The following DCLK2 variants were observed in gnomAD, a reference collection of about 807,000 sequenced individuals.
The protein encoded by DCLK2 is serine/threonine-protein kinase DCLK2.
In DCLK2, 31 loss-of-function variants were observed where a neutral mutation model predicts 78.4. That is an observed-to-expected ratio of 0.40 (90% CI 0.30 to 0.53). The LOEUF is 0.53. Ranked by LOEUF, DCLK2 falls within the 20% of genes least tolerant of loss-of-function variation. The pLI is 0.61. For missense variants in DCLK2, 872 were observed against 973.7 expected (o/e 0.90, Z 1.39); for synonymous variants, 407 against 374.9 (o/e 1.09, Z -0.99).
At chr4:150,080,943 A>G (rs1027855926) in intron 1 of DCLK2, among the ~76,000 whole-genome samples, 6 of 152,190 alleles carry the variant, frequency 3.9e-5, no homozygotes, top group Admixed American at 1.3e-4. Context: ...GGATAGCTGG[A>G]GGAGTATAAG....
intron 2 of DCLK2, among the ~76,000 whole-genome samples, chr4:150,164,798 CA>C (rs145151064): frequency 0.19 from 29,012 of 149,118 alleles, 2,963 homozygotes; most frequent in Non-Finnish European, 0.23. Flanking sequence ...GACACTGTCT[CA>C]AAAAAAAAAT....
At chr4:150,097,480 A>G (rs1352710277) in intron 1 of DCLK2, among the ~76,000 whole-genome samples, 2 of 152,158 alleles carry the variant, frequency 1.3e-5, no homozygotes, top group Non-Finnish European at 2.9e-5. Context: ...CCTAGCTTTT[A>G]ATGACCTCTT....
At chr4:150,230,249 C>T (rs181739178) in intron 8 of DCLK2, among the ~76,000 whole-genome samples, 7 of 152,300 alleles carry the variant, frequency 4.6e-5, no homozygotes, top group Admixed American at 4.6e-4. Context: ...CAATGTATCC[C>T]AGAAGACCTT....
intron 10 of DCLK2, among the ~76,000 whole-genome samples, chr4:150,237,715 G>GCTAA (rs1012846616): frequency 6.6e-6 from 1 of 152,046 alleles, no homozygotes; most frequent in African/African-American, 2.4e-5. Context: ...GGATGATGTT[G>GCTAA]CTAACATGCT....
chr4:150,096,807 G>C (rs537651765), intron 1 of DCLK2, among the ~76,000 whole-genome samples: 9 of 152,344 alleles, frequency 5.9e-5, no homozygotes, highest in Admixed American at 2.6e-4. Context: ...TGATGCTCCA[G>C]TGGCTTAAAA....
chr4:150,184,595 CTTCTTCT>C (rs1340801190), intron 2 of DCLK2, among the ~76,000 whole-genome samples: 1 of 33,336 alleles, frequency 3.0e-5, no homozygotes, highest in African/African-American at 1.0e-4. Context: ...TCTTCTTCTT[CTTCTTCT>C]TTTTTTTTTT....
In DCLK2 at chr4:150,175,011, A is replaced by AAATATATAT. The variant is rs1454035697; in HGVS notation, c.757-18126_757-18125insATATATATA. ...AGACTCCGTCGCAAAAAAAAAAAAAAATATATATATATATATATATATTTA... is the reference window on the plus strand; with the variant it reads ...AGACTCCGTCGCAAAAAAAAAAAAAAAATATATATATATATATATATATATATATATTTA... On this transcript the variant is annotated intron_variant, in intron 2 of 15. Coordinates refer to ENST00000296550, the MANE Select transcript of DCLK2 (RefSeq NM_001040260.4). Among the ~76,000 whole-genome samples the AAATATATAT allele has an allele frequency of 1.4e-3, 14 of 9,974 alleles. 5 individuals are homozygous for AAATATATAT. The highest frequency in any genetic ancestry group is 3.4e-3 in the African/African-American group (13 of 3,794). The allele number at this position is 9,974 out of a possible 152,430, so 6.5% of individuals were successfully genotyped here. A position where few individuals can be genotyped will look rare whatever the true frequency, so the allele number is the denominator to read the frequency against.
At chr4:150,224,703 G>A (rs549202665) in intron 8 of DCLK2, 145 bp downstream of exon 8, 54 of 553,098 alleles carry the variant, frequency 9.8e-5, no homozygotes, top group Middle Eastern at 8.4e-4. Flanking sequence ...ACAGTTAAGC[G>A]GTTTTATTCC....
chr4:150,179,744 T>A (rs1209639223), intron 2 of DCLK2, among the ~76,000 whole-genome samples: 1 of 152,228 alleles, frequency 6.6e-6, no homozygotes, highest in Non-Finnish European at 1.5e-5. Flanking sequence ...CATTCTGTTA[T>A]GCCATTGAAA....
intron 4 of DCLK2, among the ~76,000 whole-genome samples, chr4:150,199,373 T>C (rs1739299076): frequency 6.6e-6 from 1 of 152,256 alleles, no homozygotes; most frequent in South Asian, 2.1e-4. Flanking sequence ...TGGAGCAATG[T>C]TCTGCTACTG....
chr4:150,225,798 A>G (rs1364176873), intron 8 of DCLK2, among the ~76,000 whole-genome samples: 1 of 152,194 alleles, frequency 6.6e-6, no homozygotes, highest in African/African-American at 2.4e-5. Flanking sequence ...TATGCTGGAC[A>G]CTGCTGCTCT....
chr4:150,149,375 A>G (rs2150226417), intron 2 of DCLK2, among the ~76,000 whole-genome samples: 1 of 152,338 alleles, frequency 6.6e-6, no homozygotes, highest in East Asian at 1.9e-4. Flanking sequence ...GGGAGGAAAC[A>G]GAACTGACTC....
chr4:150,203,848 A>G lies in DCLK2; in HGVS notation c.1015A>G (p.Ser339Gly), dbSNP rs946701287. 5.0e-6 allele frequency: 8 copies of G among 1,613,920 alleles called. No homozygotes were observed. The highest frequency in any genetic ancestry group is 6.8e-6 in the Non-Finnish European group (8 of 1,179,952). ...TACTCCTAAATCTACGAAATCCTCCAGTTCCTCTCCAACTAGTCCAGGAAG... is the reference window on the plus strand; with the variant it reads ...TACTCCTAAATCTACGAAATCCTCCGGTTCCTCTCCAACTAGTCCAGGAAG... The part of the protein sequence containing the change: ...LSTPKSTKSS[S>G]SSPTSPGSFR... The change falls in exon 5 of 16, where the codon AGT becomes GGT. Residue 339 changes from serine to glycine, a missense_variant. Ser to Gly is a moderately conservative substitution (Grantham distance 56, BLOSUM62 0). Transcript: ENST00000296550.
At chr4:150,200,061 G>A (rs1367030753) in intron 4 of DCLK2, among the ~76,000 whole-genome samples, 6 of 151,986 alleles carry the variant, frequency 3.9e-5, no homozygotes, top group Admixed American at 6.6e-5. Context: ...TCAAGAATCG[G>A]GTGTGATTAA....
chr4:150,079,678 G>A (rs60160057), intron 1 of DCLK2, among the ~76,000 whole-genome samples: 21,978 of 152,256 alleles, frequency 0.14, 1,978 homozygotes, highest in Non-Finnish European at 0.21. Context: ...AAAATTTCCT[G>A]ATGGTCAGGC....
intron 1 of DCLK2, among the ~76,000 whole-genome samples, chr4:150,099,161 G>T (rs2150149681): frequency 6.6e-6 from 1 of 152,338 alleles, no homozygotes; most frequent in African/African-American, 2.4e-5. Context: ...AAGAATCTGT[G>T]TAGGGGGAGG....
chr4:150,153,236 G>A (rs2150231776), intron 2 of DCLK2, among the ~76,000 whole-genome samples: 1 of 152,260 alleles, frequency 6.6e-6, no homozygotes, highest in East Asian at 1.9e-4. Flanking sequence ...GTGACAGGAT[G>A]AATCTTTTAA....
intron 2 of DCLK2, among the ~76,000 whole-genome samples, chr4:150,162,772 A>C (rs72730387): frequency 0.11 from 16,615 of 152,088 alleles, 1,503 homozygotes; most frequent in South Asian, 0.43. Context: ...GCCCAGCCTA[A>C]GTCTTCTATT....
rs1743428326 is a variant in DCLK2 at position 150,247,612 on chromosome 4, T to C, written c.1788T>C (p.Asn596=). The C allele has an allele frequency of 6.2e-7, 1 of 1,613,786 alleles. No homozygotes were observed. The highest frequency in any genetic ancestry group is 8.5e-7 in the Non-Finnish European group (1 of 1,179,940). The part of the protein sequence containing the change: ...CGFPPFRSEN[N]LQEDLFDQIL... ...TTTGTCACTGGCTTAGTGAGAACAA[T>C]CTCCAGGAAGATCTCTTCGACCAGA... is the stretch of plus-strand genomic sequence containing the variant. Residue 596 remains asparagine, a synonymous_variant, in exon 13 of 16, where the codon AAT becomes AAC. Coordinates refer to ENST00000296550, the MANE Select transcript of DCLK2 (RefSeq NM_001040260.4).
Sources: gnomAD v4.1 joint callset for allele counts (sites outside exome capture counted in the v4.1 genomes callset) on GRCh38, gnomAD v4.1.1 for gene constraint, MANE v1.5 for transcripts, NCBI Gene and HGNC (gene_info 2026-07-23, HGNC 2026-07-21) for gene names.